Variants in XDH observed in about 807,000 individuals in gnomAD.
XDH encodes xanthine dehydrogenase/oxidase.
In XDH, 138 loss-of-function variants were observed where a neutral mutation model predicts 156.1. That is an observed-to-expected ratio of 0.88 (90% CI 0.77 to 1.02). The LOEUF (loss-of-function observed/expected upper bound fraction) is 1.02, where lower values mean the gene tolerates loss of function less well. Among genes scored for constraint, XDH ranks in the 50% least tolerant of loss-of-function variants. The pLI is 0.00. For missense variants in XDH, 1,849 were observed against 1,684.9 expected (o/e 1.10, Z -1.71); for synonymous variants, 669 against 625.7 (o/e 1.07, Z -1.03).
chr2:31,355,514 A>G (rs1685600513), intron 24 of XDH, among the ~76,000 whole-genome samples: 1 of 152,148 alleles, frequency 6.6e-6, no homozygotes, highest in Non-Finnish European at 1.5e-5. Context: ...AGAGTCATAA[A>G]GGGAGGTAAG....
intron 5 of XDH, among the ~76,000 whole-genome samples, chr2:31,397,964 A>T (rs1403449160): frequency 2.0e-5 from 3 of 152,072 alleles, no homozygotes; most frequent in Non-Finnish European, 4.4e-5. Context: ...TGAGTCAGGT[A>T]CCTCTCCTAA....
At chr2:31,363,634 C>T (rs1009202670) in intron 24 of XDH, among the ~76,000 whole-genome samples, 5 of 152,030 alleles carry the variant, frequency 3.3e-5, no homozygotes, top group African/African-American at 4.8e-5. Flanking sequence ...TCAATGAAAC[C>T]ATTTTTTAAA....
chr2:31,348,930 C>G lies in XDH; in HGVS notation c.3020G>C (p.Gly1007Ala). Residue 1007 changes from glycine to alanine, a missense_variant, in exon 27 of 36, where the codon GGA becomes GCA. By Grantham distance (60) the Gly-to-Ala change is moderately conservative. Coordinates refer to ENST00000379416, the MANE Select transcript of XDH (RefSeq NM_000379.4). ...RGLCIIPTKF[G>A]ISFTVPFLNQ... ...CAGAAAAGGAACTGTAAAGCTTATT[C>G]CAAACTTGGTGGGAATTATGCACAA... 6.2e-7 allele frequency: 1 copy of G among 1,613,554 alleles called. No individual in the cohort carries two copies. Among genetic ancestry groups the G allele is most frequent in the Non-Finnish European group, 8.5e-7 (1 of 1,179,418 alleles).
rs1180026575 is a variant in XDH at position 31,337,816 on chromosome 2, G to C, written c.3776C>G (p.Ala1259Gly). The C allele has an allele frequency of 1.9e-6, 3 of 1,613,970 alleles. No homozygotes were observed. Among genetic ancestry groups the C allele is most frequent in the Non-Finnish European group, 2.5e-6 (3 of 1,179,964 alleles). ...PNKKAIYASKAVGEPPLFLAA... is the reference protein window; with the variant it reads ...PNKKAIYASKGVGEPPLFLAA... ...CAGGAAGAGGGGCGGCTCTCCAACA[G>C]CCTGAACACAGACAGGGCACAGGGC... Residue 1259 changes from alanine to glycine, a missense_variant and splice_region_variant, in exon 35 of 36, where the codon GCT becomes GGT. Physicochemically the swap from Ala to Gly is moderately conservative, Grantham distance 60. Coordinates refer to ENST00000379416, the MANE Select transcript of XDH (RefSeq NM_000379.4).
rs535650433 is a variant in XDH at position 31,409,427 on chromosome 2, C to T, written c.43-3463G>A. Among the ~76,000 whole-genome samples the T allele has an allele frequency of 4.6e-5, 7 of 152,108 alleles. No individual in the cohort carries two copies. In the South Asian group the frequency reaches 1.5e-3, roughly 32 times the overall value. On this transcript the variant is annotated intron_variant, in intron 1 of 35. Transcript: ENST00000379416. ...CATAAATATGTAGATCTACTATGTA[C>T]CCCCAAAAATTAAAAATTAAAGGTC...
chr2:31,372,331 T>C lies in XDH; in HGVS notation c.1753A>G (p.Met585Val), dbSNP rs1039784491. 1.2e-6 allele frequency: 2 copies of C among 1,614,204 alleles called. No homozygotes were observed. Among genetic ancestry groups the C allele is most frequent in the East Asian group, 2.2e-5 (1 of 44,880 alleles). Residue 585 changes from methionine to valine, a missense_variant, in exon 17 of 36, where the codon ATG (methionine) becomes GTG (valine). Met to Val is a conservative substitution (Grantham distance 21). Transcript: ENST00000379416. The stretch of plus-strand genomic sequence containing the variant: ...TACACGGCCTCACCAGAGGCCTGCA[T>C]GTCCGCTGCCAGGTGGGGCAGGGGC... Reference protein sequence around the residue: ...GRPLPHLAADMQASGEAVYCD... With the variant: ...GRPLPHLAADVQASGEAVYCD...
Position 31,366,897 on chromosome 2 carries a change from C to G in XDH, c.2295G>C (p.Val765=). 6.2e-7 allele frequency: 1 copy of G among 1,614,178 alleles called. No individual in the cohort carries two copies. The highest frequency in any genetic ancestry group is 8.5e-7 in the Non-Finnish European group (1 of 1,180,024). Residue 765 remains valine (V), a synonymous_variant, in exon 21 of 36, where the codon GTG becomes GTC. Coordinates refer to ENST00000379416, the MANE Select transcript of XDH (RefSeq NM_000379.4). The part of the protein sequence containing the change: ...KGEAGEMELF[V]STQNTMKTQS... ...GGGTCTTCATGGTGTTCTGTGTAGA[C>G]ACAAAGAGCTCCATCTCCCCTGCCT...
intron 20 of XDH, among the ~76,000 whole-genome samples, chr2:31,367,645 G>T (rs767116894): frequency 2.6e-5 from 4 of 152,022 alleles, no homozygotes; most frequent in Non-Finnish European, 5.9e-5. Flanking sequence ...GAATTTATGC[G>T]GTTAGAGGCC....
At chr2:31,398,721 G>A (rs142152771) in intron 4 of XDH, 22 bp from the exon 5 acceptor site, 1 of 1,613,044 alleles carries the variant, frequency 6.2e-7, no homozygotes, top group Non-Finnish European at 8.5e-7. Context: ...AGATGACATA[G>A]ACACCTGGGA....
intron 24 of XDH, among the ~76,000 whole-genome samples, chr2:31,353,839 A>G (rs1685555332): frequency 6.6e-6 from 1 of 152,172 alleles, no homozygotes; most frequent in South Asian, 2.1e-4. Flanking sequence ...TGAGGCTGTT[A>G]TGAGATACCC....
At chr2:31,385,719 C>A (rs555515990) in intron 9 of XDH, among the ~76,000 whole-genome samples, 26 of 152,356 alleles carry the variant, frequency 1.7e-4, no homozygotes, top group African/African-American at 6.0e-4. Context: ...TATTCTGAGT[C>A]TCCCAGCCTG....
chr2:31,410,304 A>T (rs1190583182), intron 1 of XDH, among the ~76,000 whole-genome samples: 2 of 152,208 alleles, frequency 1.3e-5, no homozygotes, highest in Admixed American at 6.5e-5. Context: ...GACGGTGATG[A>T]TGGTTGCCCA....
chr2:31,402,091 A>C (rs1687074060), intron 3 of XDH, among the ~76,000 whole-genome samples: 1 of 152,088 alleles, frequency 6.6e-6, no homozygotes, highest in East Asian at 1.9e-4. Context: ...TAGGCCTCAC[A>C]AGTGACCTAA....
rs755863245 is a variant in XDH at position 31,337,623 on chromosome 2, G to A, written c.3951+18C>T. 1.9e-6 allele frequency: 3 copies of A among 1,613,696 alleles called. No homozygotes were observed. The highest frequency in any genetic ancestry group is 1.1e-5 in the South Asian group (1 of 91,054). ...CTGGCCTCCCCTGGACTGAGTGGAT[G>A]CTTGAGGGGCATCATACCAGGGTGG... On this transcript the variant is annotated intron_variant, in intron 35 of 35. Transcript: ENST00000379416.
chr2:31,348,181 G>A (rs1685352896), intron 28 of XDH, 87 bp downstream of exon 28: 2 of 1,383,994 alleles, frequency 1.4e-6, no homozygotes, highest in East Asian at 2.4e-5. Context: ...CCCCGGGCCT[G>A]CTTCTGCTCT....
At chr2:31,386,612 T>A (rs1686603920) in intron 8 of XDH, 57 bp from the exon 9 acceptor site, 1 of 1,611,734 alleles carries the variant, frequency 6.2e-7, no homozygotes, top group Admixed American at 1.7e-5. Context: ...TCATTCCTCT[T>A]ATAAATTGCT....
chr2:31,376,694 A>T (rs1035248923), intron 14 of XDH, among the ~76,000 whole-genome samples: 6 of 149,906 alleles, frequency 4.0e-5, no homozygotes, highest in African/African-American at 1.5e-4. Context: ...CAGTAGTCAT[A>T]GTAATAGCAA....
At chr2:31,405,040 G>A (rs1687158322) in intron 2 of XDH, among the ~76,000 whole-genome samples, 1 of 152,198 alleles carries the variant, frequency 6.6e-6, no homozygotes, top group South Asian at 2.1e-4. Context: ...AGTTGCCAGT[G>A]CGGGTGAGAG....
chr2:31,392,512 C>T (rs1408602576), intron 6 of XDH, among the ~76,000 whole-genome samples: 2 of 152,118 alleles, frequency 1.3e-5, no homozygotes, highest in African/African-American at 4.8e-5. Context: ...GCAACCTCCA[C>T]TTCCTGGGTT....
Sources: gnomAD v4.1 joint callset for allele counts (sites outside exome capture counted in the v4.1 genomes callset) on GRCh38, gnomAD v4.1.1 for gene constraint, MANE v1.5 for transcripts, NCBI Gene and HGNC (gene_info 2026-07-23, HGNC 2026-07-21) for gene names.